Variants in PSG3 observed in about 807,000 individuals in gnomAD.
The protein encoded by PSG3 is pregnancy specific beta-1-glycoprotein 3, also known as pregnancy-specific beta-1-glycoprotein 3.
A neutral mutation model predicts 47.5 loss-of-function variants in PSG3; 61 were observed. That is an observed-to-expected ratio of 1.28 (90% CI 1.05 to 1.59). The LOEUF (loss-of-function observed/expected upper bound fraction) is 1.59. Ranked by LOEUF, PSG3 falls within the 40% of genes most tolerant of loss-of-function variation. The probability of loss-of-function intolerance (pLI) is 0.00; values close to 1 mark genes in which losing one functional copy is unlikely to be tolerated. For missense variants in PSG3, 756 were observed against 524.0 expected (o/e 1.44, Z -4.32); for synonymous variants, 263 against 198.4 (o/e 1.33, Z -2.74).
Position 42,723,961 on chromosome 19 carries a change from A to G in PSG3, c.*21T>C, listed in dbSNP as rs375352796. 1 of 1,599,484 alleles carries G rather than the reference A, an allele frequency of 6.3e-7. No individual in the cohort carries two copies. The highest frequency in any genetic ancestry group is 1.3e-5 in the African/African-American group (1 of 74,582). On this transcript the variant is annotated 3_prime_UTR_variant, in exon 6 of 7. Coordinates refer to ENST00000327495, the MANE Select transcript of PSG3 (RefSeq NM_021016.4). ...TCATACCTGCCAGTCTTCCTGAAAT[A>G]CAGAAATGACATCACGGCTGCTATA...
chr19:42,730,029 A>C lies in PSG3; in HGVS notation c.737T>G (p.Ile246Ser). 9 of 1,612,574 alleles carry C rather than the reference A, an allele frequency of 5.6e-6. No individual in the cohort carries two copies. The highest frequency in any genetic ancestry group is 6.8e-6 in the Non-Finnish European group (8 of 1,179,846). Residue 246 changes from isoleucine to serine, a missense_variant, in exon 4 of 7, where the codon ATC becomes AGC. Ile to Ser is a moderately radical substitution (Grantham distance 142). Coordinates refer to ENST00000327495, the MANE Select transcript of PSG3 (RefSeq NM_021016.4). ...ATTCTCCCTGGGGTTTAAGTTGTTGATGGTGATGTAGGGCTTGGGCAGCTT... is the reference window on the plus strand; with the variant it reads ...ATTCTCCCTGGGGTTTAAGTTGTTGCTGGTGATGTAGGGCTTGGGCAGCTT... ...LPKLPKPYIT[I>S]NNLNPRENKD...
intron 5 of PSG3, among the ~76,000 whole-genome samples, chr19:42,728,810 A>G (rs1261492901): frequency 1.3e-5 from 2 of 152,220 alleles, no homozygotes; most frequent in Admixed American, 6.5e-5. Flanking sequence ...TGGTGACAGC[A>G]AGAAGCAACT....
In PSG3 at chr19:42,738,821, A is replaced by G. The variant is rs1969612145; in HGVS notation, c.333T>C (p.Asn111=). The G allele has an allele frequency of 6.2e-7, 1 of 1,614,148 alleles. No homozygotes were observed. Among genetic ancestry groups the G allele is most frequent in the Non-Finnish European group, 8.5e-7 (1 of 1,180,012 alleles). Residue 111 remains asparagine, a synonymous_variant, in exon 2 of 7, where the codon AAT becomes AAC. Transcript: ENST00000327495. The part of the protein sequence containing the change: ...VYSNASLLIQ[N]VTREDAGSYT... ...AGGATCCTGCGTCCTCCCGGGTGAC[A>G]TTCTGGATCAGCAGGGATGCATTGG...
intron 2 of PSG3, among the ~76,000 whole-genome samples, chr19:42,735,237 T>G (rs191608723): frequency 2.0e-5 from 3 of 152,208 alleles, no homozygotes; most frequent in African/African-American, 7.2e-5. Context: ...CCACTTTTTT[T>G]CCCCACTCTT....
At chr19:42,727,060 G>A (rs981085140) in intron 5 of PSG3, among the ~76,000 whole-genome samples, 1 of 152,192 alleles carries the variant, frequency 6.6e-6, no homozygotes, top group Non-Finnish European at 1.5e-5. Context: ...ATGATATTGG[G>A]AAAGGTGGAT....
chr19:42,725,682 G>C (rs1189392844), intron 5 of PSG3, among the ~76,000 whole-genome samples: 2 of 151,912 alleles, frequency 1.3e-5, no homozygotes, highest in African/African-American at 4.8e-5. Context: ...AACCTGGGGA[G>C]ACCCTGTCTC....
chr19:42,729,943 G>A lies in PSG3; in HGVS notation c.823C>T (p.Leu275=), dbSNP rs1056496781. The change falls in exon 4 of 7, where the codon CTA becomes TTA. Residue 275 remains leucine, a synonymous_variant. Coordinates refer to ENST00000327495, the MANE Select transcript of PSG3 (RefSeq NM_021016.4). ...CTGACCGGGAGGCTCTGACCATTTAGCCACCAAATGTAGGTGTAGTTCTCA... is the reference window on the plus strand; with the variant it reads ...CTGACCGGGAGGCTCTGACCATTTAACCACCAAATGTAGGTGTAGTTCTCA... ...KSENYTYIWW[L]NGQSLPVSPR... is the part of the protein sequence containing the mutation. 11 of 1,612,160 alleles carry A rather than the reference G, an allele frequency of 6.8e-6. No individual in the cohort carries two copies. Among genetic ancestry groups the A allele is most frequent in the Middle Eastern group, 2.2e-4 (1 of 4,558 alleles).
chr19:42,722,103 A>T lies in PSG3; in HGVS notation c.*41-13T>A, dbSNP rs1042485264. ...TGAAAGCAACTGTCTGGGAATGACA[A>T]AGATTTAAAATGACTATGGTTAAAA... On this transcript the variant is annotated splice_polypyrimidine_tract_variant and intron_variant, in intron 6 of 6. Transcript: ENST00000327495. The T allele has an allele frequency of 9.7e-6, 4 of 412,436 alleles. No individual in the cohort carries two copies. The highest frequency in any genetic ancestry group is 1.3e-5 in the Non-Finnish European group (3 of 225,982). The allele number at this position is 412,436 out of a possible 1,614,324, so 25.5% of individuals were successfully genotyped here.
At chr19:42,727,781 C>A (rs1215269270) in intron 5 of PSG3, among the ~76,000 whole-genome samples, 3 of 152,068 alleles carry the variant, frequency 2.0e-5, no homozygotes, top group Admixed American at 6.5e-5. Context: ...GACATAATCC[C>A]CATAGAATTG....
intron 2 of PSG3, among the ~76,000 whole-genome samples, chr19:42,736,501 C>T (rs918528821): frequency 1.2e-4 from 18 of 152,156 alleles, no homozygotes; most frequent in African/African-American, 4.3e-4. Flanking sequence ...ATCTCTAAGC[C>T]CTGATCCACT....
At chr19:42,733,981 C>A (rs558149350) in intron 2 of PSG3, 1 of 152,254 alleles carries the variant, frequency 6.6e-6, no homozygotes, top group South Asian at 2.1e-4. Context: ...TGGGAAGAAG[C>A]CTTGCAGATA....
At position 42,721,954 on chromosome 19, in the gene PSG3, G is replaced by C. The variant is rs1450314189; in HGVS notation, c.*177C>G. On this transcript the variant is annotated 3_prime_UTR_variant, in exon 7 of 7. Coordinates refer to ENST00000327495, the MANE Select transcript of PSG3 (RefSeq NM_021016.4). ...TAAAATTTTGAAAGTTCTTAGTCCA[G>C]TGGTATGATCTTGAAGTTATCAGGA... 9 of 415,756 alleles carry C rather than the reference G, an allele frequency of 2.2e-5. No individual in the cohort carries two copies. The highest frequency in any genetic ancestry group is 6.2e-5 in the African/African-American group (3 of 48,686). The allele number at this position is 415,756 out of a possible 1,614,324, so 25.8% of individuals were successfully genotyped here.
intron 6 of PSG3, among the ~76,000 whole-genome samples, chr19:42,723,299 G>A (rs55713870): frequency 1.3e-5 from 2 of 152,176 alleles, no homozygotes; most frequent in African/African-American, 4.8e-5. Flanking sequence ...AGATGGTAGA[G>A]GGGATTTCAC....
intron 5 of PSG3, among the ~76,000 whole-genome samples, chr19:42,726,112 A>T (rs547541525): frequency 3.9e-4 from 60 of 152,216 alleles, no homozygotes; most frequent in Non-Finnish European, 7.5e-4. Context: ...ATTTTTTCAT[A>T]ATAAAAACTT....
chr19:42,729,820 A>G lies in PSG3; in HGVS notation c.946T>C (p.Tyr316His), dbSNP rs1408442676. The change falls in exon 4 of 7, where the codon TAT (tyrosine) becomes CAT (histidine). Residue 316 changes from tyrosine (Y) to histidine (H), a missense_variant. Tyr to His is a moderately conservative substitution (Grantham distance 83). Coordinates refer to ENST00000327495, the MANE Select transcript of PSG3 (RefSeq NM_021016.4). Reference sequence around the variant, plus strand: ...ACTGGGTAACTGCGGATGCCACCATATCGGTCCTGTATTTCACATTGATAG... The same window carrying G: ...ACTGGGTAACTGCGGATGCCACCATGTCGGTCCTGTATTTCACATTGATAG... ...GPYQCEIQDR[Y>H]GGIRSYPVTL... 3.1e-6 allele frequency: 5 copies of G among 1,613,576 alleles called. No individual in the cohort carries two copies.
chr19:42,724,079 G>A, intron 5 of PSG3, 54 bp from the exon 6 acceptor site: 1 of 1,551,752 alleles, frequency 6.4e-7, no homozygotes, highest in East Asian at 2.2e-5. Context: ...TTTTACATGG[G>A]GGAGCCTCAG....
intron 5 of PSG3, among the ~76,000 whole-genome samples, chr19:42,727,982 C>T (rs900348364): frequency 9.9e-5 from 15 of 152,038 alleles, no homozygotes; most frequent in Admixed American, 1.3e-4. Flanking sequence ...AGTGGATGAA[C>T]CTTGAAGATA....
rs757793613 is a variant in PSG3, at chr19:42,730,007, C to A, written c.759G>T (p.Glu253Asp). 7 of 1,612,520 alleles carry A rather than the reference C, an allele frequency of 4.3e-6. No individual in the cohort carries two copies. Among genetic ancestry groups the A allele is most frequent in the Non-Finnish European group, 5.1e-6 (6 of 1,179,862 alleles). ...AGGTGAAGGCTAAGACATCCTTATT[C>A]TCCCTGGGGTTTAAGTTGTTGATGG... ...YITINNLNPR[E>D]NKDVLAFTCE... The change falls in exon 4 of 7, where the codon GAG becomes GAT. Residue 253 changes from glutamate to aspartate, a missense_variant. Transcript: ENST00000327495.
At chr19:42,737,074 A>G (rs913989727) in intron 2 of PSG3, among the ~76,000 whole-genome samples, 3 of 152,112 alleles carry the variant, frequency 2.0e-5, no homozygotes, top group Non-Finnish European at 2.9e-5. Context: ...GGCAGTGAGC[A>G]GTGAGGGCTA....
Sources: allele counts gnomAD v4.1 joint callset (sites outside exome capture counted in the v4.1 genomes callset), GRCh38; gene constraint gnomAD v4.1.1; transcripts MANE v1.5; gene names NCBI Gene and HGNC (gene_info 2026-07-23, HGNC 2026-07-21).